The following MGAT5 variants were observed in gnomAD, a reference collection of about 807,000 sequenced individuals.
MGAT5 encodes alpha-1,6-mannosylglycoprotein 6-beta-N-acetylglucosaminyltransferase A.
A neutral mutation model predicts 94.3 loss-of-function variants in MGAT5; 30 were observed. The observed-to-expected ratio is 0.32, with a 90% CI of 0.24 to 0.43. The LOEUF (loss-of-function observed/expected upper bound fraction) is 0.43, where lower values mean the gene tolerates loss of function less well. Ranked by LOEUF, MGAT5 falls within the 20% of genes least tolerant of loss-of-function variation. The probability of loss-of-function intolerance (pLI) is 1.00; values close to 1 mark genes in which losing one functional copy is unlikely to be tolerated. For missense variants in MGAT5, 691 were observed against 905.5 expected (o/e 0.76, Z 3.04); for synonymous variants, 310 against 322.9 (o/e 0.96, Z 0.43).
chr2:134,268,259 C>T lies in MGAT5; in HGVS notation c.242-2127C>T, dbSNP rs948989983. ...TTACCGGTGATAGTTAAATGCTATT[C>T]TAGATTGTATTCGGATTCTAGCTGG... On this transcript the variant is annotated intron_variant, in intron 1 of 15. Coordinates refer to ENST00000281923, the MANE Select transcript of MGAT5 (RefSeq NM_002410.5). This position sits in a 1 kb window ranked among gnomAD's most constrained non-coding sequence, Gnocchi z 4.1. Among the ~76,000 whole-genome samples, 1 of 152,208 alleles carries T rather than the reference C, an allele frequency of 6.6e-6. No individual in the cohort carries two copies. The highest frequency in any genetic ancestry group is 1.5e-5 in the Non-Finnish European group (1 of 68,048).
chr2:134,378,936 T>C (rs1681368495), intron 10 of MGAT5, among the ~76,000 whole-genome samples: 1 of 152,178 alleles, frequency 6.6e-6, no homozygotes, highest in Non-Finnish European at 1.5e-5. Context: ...GAAGTGATGA[T>C]ATGTGAGAGC....
chr2:134,310,058 C>T (rs1372331456), intron 2 of MGAT5, among the ~76,000 whole-genome samples: 1 of 152,092 alleles, frequency 6.6e-6, no homozygotes, highest in African/African-American at 2.4e-5. Flanking sequence ...ACATAGAGAA[C>T]CCATATATAT....
chr2:134,413,329 A>G (rs1683776964), intron 12 of MGAT5, among the ~76,000 whole-genome samples: 2 of 152,236 alleles, frequency 1.3e-5, no homozygotes, highest in Non-Finnish European at 1.5e-5. Context: ...AGTGAGATCA[A>G]CTGGTTAGCA....
intron 4 of MGAT5, among the ~76,000 whole-genome samples, chr2:134,334,625 C>T (rs1688229717): frequency 6.8e-6 from 1 of 147,386 alleles, no homozygotes; most frequent in African/African-American, 2.5e-5. Context: ...TCCATTAGCA[C>T]AAATCTAATT....
At chr2:134,137,605 AGTCAGAGC>A (rs1194157191) in intron 1 of MGAT5, among the ~76,000 whole-genome samples, 2 of 152,262 alleles carry the variant, frequency 1.3e-5, no homozygotes, top group Non-Finnish European at 2.9e-5. Flanking sequence ...TTTCTTTAGA[AGTCAGAGC>A]GGGGAGGGAT....
intron 2 of MGAT5, among the ~76,000 whole-genome samples, chr2:134,280,307 C>T (rs1380490582): frequency 2.0e-5 from 3 of 152,154 alleles, no homozygotes; most frequent in African/African-American, 4.8e-5. Flanking sequence ...CTCACAGCCT[C>T]CTTCTTCTGT....
At chr2:134,141,376 G>A (rs1013640902) in intron 1 of MGAT5, among the ~76,000 whole-genome samples, 1 of 152,176 alleles carries the variant, frequency 6.6e-6, no homozygotes, top group South Asian at 2.1e-4. Flanking sequence ...CAGCAACCTT[G>A]TCTGTCTTAT....
chr2:134,333,623 C>A (rs1170558650), intron 4 of MGAT5, among the ~76,000 whole-genome samples: 2 of 151,852 alleles, frequency 1.3e-5, no homozygotes, highest in East Asian at 1.9e-4. Flanking sequence ...GTGGGGCTCA[C>A]CTTGGGGTCC....
intron 2 of MGAT5, among the ~76,000 whole-genome samples, chr2:134,281,354 C>T (rs909821804): frequency 2.6e-5 from 4 of 152,172 alleles, no homozygotes; most frequent in African/African-American, 7.2e-5. Context: ...CTGTGTCAGG[C>T]ATCGGAAATG....
chr2:134,143,614 G>A (rs113700495), intron 1 of MGAT5, among the ~76,000 whole-genome samples: 2 of 152,210 alleles, frequency 1.3e-5, no homozygotes, highest in South Asian at 2.1e-4. Flanking sequence ...TCAGGCAGGC[G>A]CCTGGAAATA....
chr2:134,260,526 T>C (rs1443918681), intron 1 of MGAT5, among the ~76,000 whole-genome samples: 1 of 152,162 alleles, frequency 6.6e-6, no homozygotes, highest in African/African-American at 2.4e-5. Context: ...CTTTTGCAAG[T>C]GTTTCCTTCC....
At chr2:134,213,836 G>T (rs1272049602) in intron 1 of MGAT5, among the ~76,000 whole-genome samples, 3 of 152,156 alleles carry the variant, frequency 2.0e-5, no homozygotes, top group African/African-American at 7.2e-5. Flanking sequence ...CACCTTCTTG[G>T]CGCATGGTTG....
intron 2 of MGAT5, among the ~76,000 whole-genome samples, chr2:134,275,643 G>A (rs1190571896): frequency 2.1e-5 from 3 of 143,940 alleles, no homozygotes; most frequent in Admixed American, 7.2e-5. Context: ...GAATGCAGTG[G>A]CACTATCACA....
chr2:134,336,262 T>G lies in MGAT5; in HGVS notation c.619T>G (p.Tyr207Asp). 1 of 1,612,870 alleles carries G rather than the reference T, an allele frequency of 6.2e-7. No individual in the cohort carries two copies. The highest frequency in any genetic ancestry group is 1.1e-5 in the South Asian group (1 of 91,034). Reference sequence around the variant, plus strand: ...TTTACCTTGGAGAGCAAAAAATCCCTACGAAGAAGCTGATCATAATTCATT... The same window carrying G: ...TTTACCTTGGAGAGCAAAAAATCCCGACGAAGAAGCTGATCATAATTCATT... The part of the protein sequence containing the change: ...PHLPWRAKNP[Y>D]EEADHNSLAE... The change falls in exon 5 of 16, where the codon TAC (tyrosine) becomes GAC (aspartate). Residue 207 changes from tyrosine to aspartate, a missense_variant. Tyr to Asp is a radical substitution (Grantham distance 160). Coordinates refer to ENST00000281923, the MANE Select transcript of MGAT5 (RefSeq NM_002410.5).
At chr2:134,375,383 T>C (rs780526259) in intron 10 of MGAT5, among the ~76,000 whole-genome samples, 51 of 152,168 alleles carry the variant, frequency 3.4e-4, no homozygotes, top group South Asian at 6.2e-4. Flanking sequence ...TACATTTATG[T>C]TGGTGTGGTA....
upstream of MGAT5, among the ~76,000 whole-genome samples, chr2:134,251,198 C>CAAA (rs569492298): frequency 0.015 from 2,059 of 136,314 alleles, 19 homozygotes; most frequent in East Asian, 0.029. Flanking sequence ...TATGGGTTAT[C>CAAA]AAAAAAAAAA....
chr2:134,395,457 G>A (rs1181350150), intron 10 of MGAT5, among the ~76,000 whole-genome samples: 1 of 152,250 alleles, frequency 6.6e-6, no homozygotes, highest in Non-Finnish European at 1.5e-5. Flanking sequence ...CACATGGGCA[G>A]TGATGTGAAG....
chr2:134,449,537 G>A lies in MGAT5; in HGVS notation c.*690G>A, dbSNP rs915841079. 6 of 152,728 alleles carry A rather than the reference G, an allele frequency of 3.9e-5. No individual in the cohort carries two copies. The highest frequency in any genetic ancestry group is 1.9e-4 in the East Asian group (1 of 5,190). The allele number at this position is 152,728 out of a possible 1,614,324, so 9.5% of individuals were successfully genotyped here. On this transcript the variant is annotated 3_prime_UTR_variant, in exon 16 of 16. Transcript: ENST00000281923. ...CTAGAGCATGGGCTGCCTCAGTCAG[G>A]GGGACGTGCCTGTGTTGTCCAGAGA... is the stretch of plus-strand genomic sequence containing the variant.
At chr2:134,302,638 T>A (rs1305122205) in intron 2 of MGAT5, among the ~76,000 whole-genome samples, 1 of 151,802 alleles carries the variant, frequency 6.6e-6, no homozygotes, top group Non-Finnish European at 1.5e-5. Flanking sequence ...CTTTTTTTGG[T>A]AGGGGCTGGC....
Sources: allele counts gnomAD v4.1 joint callset (sites outside exome capture counted in the v4.1 genomes callset), GRCh38; gene constraint gnomAD v4.1.1; non-coding constraint Gnocchi (gnomAD v3.1); transcripts MANE v1.5; gene names NCBI Gene and HGNC (gene_info 2026-07-23, HGNC 2026-07-21).